DLAT: variants seen among roughly 807,000 people sequenced by gnomAD.
DLAT encodes the protein dihydrolipoyllysine-residue acetyltransferase component of pyruvate dehydrogenase complex, mitochondrial.
Under a neutral mutation model 68.0 loss-of-function variants are expected in DLAT, and 43 were observed. The ratio of observed to expected loss-of-function variants is 0.63; its 90% confidence interval spans 0.50 to 0.81. The LOEUF is 0.81. DLAT is among the 40% of genes least tolerant of loss of function. DLAT has a pLI of 0.00. For missense variants in DLAT, 745 were observed against 815.4 expected (o/e 0.91, Z 1.05); for synonymous variants, 265 against 288.6 (o/e 0.92, Z 0.83).
At position 112,051,340 on chromosome 11, in the gene DLAT, T is replaced by C. The variant is rs782177112; in HGVS notation, c.1505T>C (p.Val502Ala). The C allele has an allele frequency of 6.2e-7, 1 of 1,608,150 alleles. No individual in the cohort carries two copies. The highest frequency in any genetic ancestry group is 1.7e-5 in the Admixed American group (1 of 59,990). The change falls in exon 11 of 14, where the codon GTT (valine) becomes GCT (alanine). Residue 502 changes from valine (V) to alanine (A), a missense_variant. Transcript: ENST00000280346. The surrounding 1 kb of genome is among the most constrained non-coding windows in gnomAD (Gnocchi z 4.3). Reference protein sequence around the residue: ...PEANSSWMDTVIRQNHVVDVS... With the variant: ...PEANSSWMDTAIRQNHVVDVS... ...GCAAATTCTTCTTGGATGGACACAG[T>C]TATAAGACAGTAAGTATAACTGGGG...
At chr11:112,026,917 G>C (rs1359452593) in intron 2 of DLAT, among the ~76,000 whole-genome samples, 1 of 149,460 alleles carries the variant, frequency 6.7e-6, no homozygotes, top group African/African-American at 2.5e-5. Context: ...CTCACCTCCC[G>C]GGCGGGGCAG....
chr11:112,045,019 A>T (rs587662502), intron 8 of DLAT, 119 bp from the exon 9 acceptor site: 1 of 780,474 alleles, frequency 1.3e-6, no homozygotes, highest in East Asian at 2.5e-5. Context: ...TGGGTGACAG[A>T]GCAAGACTCT....
rs932927951 is a variant in DLAT, at chr11:112,025,587, G to C, written c.115G>C (p.Gly39Arg). Residue 39 changes from glycine (G) to arginine (R), a missense_variant, in exon 1 of 14, where the codon GGC (glycine) becomes CGC (arginine). Physicochemically the swap from Gly to Arg is moderately radical, Grantham distance 125 (BLOSUM62 -2). Coordinates refer to ENST00000280346, the MANE Select transcript of DLAT (RefSeq NM_001931.5). ...AACTCCACGAGTGACCTCGCGATCTGGCCCGGCTCCCGCTCGTCGCAACAG... is the reference window on the plus strand; with the variant it reads ...AACTCCACGAGTGACCTCGCGATCTCGCCCGGCTCCCGCTCGTCGCAACAG... The part of the protein sequence containing the change: ...PGTPRVTSRS[G>R]PAPARRNSVT... 2 of 1,614,004 alleles carry C rather than the reference G, an allele frequency of 1.2e-6. No homozygotes were observed. The highest frequency in any genetic ancestry group is 8.5e-7 in the Non-Finnish European group (1 of 1,179,992).
At chr11:112,047,379 G>C (rs1009541386) in intron 10 of DLAT, among the ~76,000 whole-genome samples, 1 of 152,070 alleles carries the variant, frequency 6.6e-6, no homozygotes, top group Non-Finnish European at 1.5e-5. Context: ...TTGTTAGATG[G>C]ATAGATTTCA....
chr11:112,052,177 A>G (rs1399967671), intron 11 of DLAT, among the ~76,000 whole-genome samples: 1 of 152,202 alleles, frequency 6.6e-6, no homozygotes, highest in African/African-American at 2.4e-5. Flanking sequence ...CTTTGCTGTC[A>G]CACAGTCACA....
At chr11:112,045,291 C>A in intron 9 of DLAT, 61 bp downstream of exon 9, 1 of 1,329,590 alleles carries the variant, frequency 7.5e-7, no homozygotes, top group Non-Finnish European at 1.1e-6. Flanking sequence ...TGTTTAGTTG[C>A]TTCCATAGTT....
intron 10 of DLAT, 152 bp downstream of exon 10, chr11:112,046,122 T>C: frequency 1.6e-6 from 1 of 606,450 alleles, no homozygotes; most frequent in Non-Finnish European, 2.9e-6. Context: ...ATTTTAAATA[T>C]TGGTTATGTC....
rs1555179111 is a variant in DLAT at position 112,025,599 on chromosome 11, G to T, written c.127G>T (p.Ala43Ser). ...GACCTCGCGATCTGGCCCGGCTCCC[G>T]CTCGTCGCAACAGCGTGACTACAGG... ...RVTSRSGPAP[A>S]RRNSVTTGYG... Residue 43 changes from alanine to serine, a missense_variant, in exon 1 of 14, where the codon GCT becomes TCT. By Grantham distance (99) the Ala-to-Ser change is moderately conservative. Coordinates refer to ENST00000280346, the MANE Select transcript of DLAT (RefSeq NM_001931.5). The T allele has an allele frequency of 6.2e-7, 1 of 1,613,954 alleles. No individual in the cohort carries two copies. The highest frequency in any genetic ancestry group is 1.1e-5 in the South Asian group (1 of 91,084).
intron 5 of DLAT, among the ~76,000 whole-genome samples, chr11:112,035,065 C>T (rs1389998631): frequency 5.3e-5 from 8 of 152,244 alleles, no homozygotes; most frequent in South Asian, 2.1e-4. Context: ...CATAAGCCAC[C>T]GCACCCAGCC....
chr11:112,045,052 A>AAACTGCAT, intron 8 of DLAT, 86 bp from the exon 9 acceptor site: 8 of 1,071,626 alleles, frequency 7.5e-6, no homozygotes, highest in South Asian at 2.5e-5. Flanking sequence ...AAAAAAAAAA[A>AAACTGCAT]ACTGCATAGT....
chr11:112,033,501 C>T lies in DLAT; in HGVS notation c.758C>T (p.Ala253Val), dbSNP rs1555180129. The change falls in exon 5 of 14, where the codon GCA becomes GTA. Residue 253 changes from alanine to valine, a missense_variant. Physicochemically the swap from Ala to Val is moderately conservative, Grantham distance 64. Coordinates refer to ENST00000280346, the MANE Select transcript of DLAT (RefSeq NM_001931.5). ...AAGCTAAGTGAAGGAGACTTACTGGCAGAGATAGAAACTGACAAAGCCACT... is the reference window on the plus strand; with the variant it reads ...AAGCTAAGTGAAGGAGACTTACTGGTAGAGATAGAAACTGACAAAGCCACT... ...GEKLSEGDLLAEIETDKATIG... is the reference protein window; with the variant it reads ...GEKLSEGDLLVEIETDKATIG... 1.2e-6 allele frequency: 2 copies of T among 1,613,792 alleles called. No individual in the cohort carries two copies. Among genetic ancestry groups the T allele is most frequent in the Admixed American group, 1.7e-5 (1 of 59,984 alleles).
chr11:112,053,145 A>C (rs779107040), intron 11 of DLAT, among the ~76,000 whole-genome samples: 40 of 152,086 alleles, frequency 2.6e-4, no homozygotes, highest in Non-Finnish European at 5.3e-4. Flanking sequence ...AACATGGTGA[A>C]ACCCCATCTC....
intron 2 of DLAT, among the ~76,000 whole-genome samples, chr11:112,027,770 C>T (rs1490029417): frequency 2.0e-5 from 3 of 152,184 alleles, no homozygotes; most frequent in Non-Finnish European, 4.4e-5. Context: ...CGTGGCGGCG[C>T]GTGCCTGCAA....
chr11:112,057,399 C>G (rs1323486333), intron 11 of DLAT, among the ~76,000 whole-genome samples: 2 of 152,154 alleles, frequency 1.3e-5, no homozygotes, highest in East Asian at 1.9e-4. Context: ...AAGCCAAGAT[C>G]GGTTGAAAGC....
At chr11:112,059,792 C>G (rs1864434450) in intron 11 of DLAT, 111 bp from the exon 12 acceptor site, 3 of 867,984 alleles carry the variant, frequency 3.5e-6, no homozygotes, top group Non-Finnish European at 5.2e-6. Flanking sequence ...TGAACAATAA[C>G]ACACATTGGT....
chr11:112,039,430 A>T (rs1555180838), intron 7 of DLAT, 33 bp downstream of exon 7: 1 of 1,611,588 alleles, frequency 6.2e-7, no homozygotes, highest in Admixed American at 1.7e-5. Context: ...GACTTTATAA[A>T]GTTAAAATTT....
At chr11:112,059,752 A>T in intron 11 of DLAT, 151 bp from the exon 12 acceptor site, 1 of 614,536 alleles carries the variant, frequency 1.6e-6, no homozygotes, top group Non-Finnish European at 2.7e-6. Flanking sequence ...TGTAAAAATT[A>T]GGATAGACAT....
chr11:112,029,337 A>T (rs1340478239), intron 4 of DLAT, among the ~76,000 whole-genome samples: 1 of 152,162 alleles, frequency 6.6e-6, no homozygotes, highest in Non-Finnish European at 1.5e-5. Context: ...ATTTATAAAG[A>T]AAAAAGGTTC....
rs782377178 is a variant in DLAT at position 112,060,112 on chromosome 11, G to A, written c.1677+47G>A. On this transcript the variant is annotated intron_variant, in intron 12 of 13. Coordinates refer to ENST00000280346, the MANE Select transcript of DLAT (RefSeq NM_001931.5). Reference sequence around the variant, plus strand: ...TCTAATTATGTTATTTTTAAGGTTTGCATAATGCATTTATTGCATTTTTCA... The same window carrying A: ...TCTAATTATGTTATTTTTAAGGTTTACATAATGCATTTATTGCATTTTTCA... 4 of 1,513,616 alleles carry A rather than the reference G, an allele frequency of 2.6e-6. No individual in the cohort carries two copies. In the Admixed American group the frequency reaches 6.9e-5, roughly 26 times the overall value. The allele number at this position is 1,513,616 out of a possible 1,614,324, so 93.8% of individuals were successfully genotyped here.
Sources: gnomAD v4.1 joint callset for allele counts (sites outside exome capture counted in the v4.1 genomes callset) on GRCh38, gnomAD v4.1.1 for gene constraint, Gnocchi (gnomAD v3.1) non-coding constraint, MANE v1.5 for transcripts, NCBI Gene and HGNC (gene_info 2026-07-23, HGNC 2026-07-21) for gene names.